The following TARDBP variants were observed in gnomAD, a reference collection of about 807,000 sequenced individuals.
TARDBP encodes TAR DNA-binding protein 43.
A neutral mutation model predicts 38.3 loss-of-function variants in TARDBP; 4 were observed. That is an observed-to-expected ratio of 0.10 (90% CI 0.05 to 0.24). The LOEUF is 0.24. Among genes scored for constraint, TARDBP ranks in the 10% least tolerant of loss-of-function variants. TARDBP has a pLI of 1.00. For missense variants in TARDBP, 202 were observed against 521.9 expected (o/e 0.39, Z 5.97); for synonymous variants, 184 against 183.8 (o/e 1.00, Z -0.01).
At chr1:11,013,666 A>G in intron 1 of TARDBP, 50 bp from the exon 2 acceptor site, 1 of 1,431,164 alleles carries the variant, frequency 7.0e-7, no homozygotes, top group Non-Finnish European at 9.7e-7. Flanking sequence ...TTATAAGGAA[A>G]CAGTTATTCT....
Position 11,021,814 on chromosome 1 carries a change from G to T in TARDBP, c.715-310G>T, listed in dbSNP as rs535280422. On this transcript the variant is annotated intron_variant, in intron 5 of 5. Coordinates refer to ENST00000240185, the MANE Select transcript of TARDBP (RefSeq NM_007375.4). ...GATAGAGGTGGGGTCTCCCTGTGTT[G>T]TCTAGGCTGCCAGGCTAGTCTTGAA... Among the ~76,000 whole-genome samples the T allele has an allele frequency of 1.1e-4, 17 of 151,980 alleles. No homozygotes were observed. The East Asian group carries it at 3.1e-3, about 28-fold the overall frequency.
Position 11,023,675 on chromosome 1 carries a change from T to C in TARDBP, c.*1021T>C. On this transcript the variant is annotated 3_prime_UTR_variant, in exon 6 of 6. Transcript: ENST00000240185. ...CTGTTGGAAGACTTTTAAGTGAGTTTTTGTTCTTAGATAACCCACATTAGA... is the reference window on the plus strand; with the variant it reads ...CTGTTGGAAGACTTTTAAGTGAGTTCTTGTTCTTAGATAACCCACATTAGA... The C allele has an allele frequency of 5.1e-6, 1 of 195,400 alleles. No homozygotes were observed. The highest frequency in any genetic ancestry group is 1.1e-5 in the Non-Finnish European group (1 of 95,006). The allele number at this position is 195,400 out of a possible 1,614,324, so 12.1% of individuals were successfully genotyped here. A position where few individuals can be genotyped will look rare whatever the true frequency, so the allele number is the denominator to read the frequency against.
downstream of TARDBP, chr1:11,025,718 T>A (rs1171554394): frequency 6.6e-6 from 1 of 152,370 alleles, no homozygotes; most frequent in East Asian, 1.9e-4. Context: ...AACTTGAATG[T>A]TAGCTATTAA....
At chr1:11,027,472 C>T (rs757050153), downstream of TARDBP, 6 of 1,613,952 alleles carry the variant, frequency 3.7e-6, no homozygotes, top group African/African-American at 1.3e-5. Flanking sequence ...AGGGCGGATG[C>T]ATCATGTTTT....
intron 5 of TARDBP, among the ~76,000 whole-genome samples, chr1:11,021,619 C>T (rs1643640735): frequency 6.6e-6 from 1 of 152,142 alleles, no homozygotes; most frequent in Non-Finnish European, 1.5e-5. Context: ...CAGGGTCTCA[C>T]TCTGTTGCCC....
chr1:11,013,418 C>T (rs761216105), intron 1 of TARDBP, among the ~76,000 whole-genome samples: 1 of 147,218 alleles, frequency 6.8e-6, no homozygotes, highest in African/African-American at 2.4e-5. Flanking sequence ...CCCTTGCATA[C>T]CCTAGCTTGT....
At chr1:11,017,133 C>G in intron 3 of TARDBP, 126 bp downstream of exon 3, 1 of 1,030,318 alleles carries the variant, frequency 9.7e-7, no homozygotes, top group Non-Finnish European at 1.5e-6. Flanking sequence ...ACTCCTGGGC[C>G]CATACTGTCC....
At chr1:11,026,052 A>AT (rs1643727599), downstream of TARDBP, 2 of 154,824 alleles carry the variant, frequency 1.3e-5, no homozygotes, top group South Asian at 4.1e-4. Flanking sequence ...GCCACTTTTC[A>AT]TCTTGTGGAA....
chr1:11,030,029 G>A (rs1000357083), downstream of TARDBP: 2 of 601,540 alleles, frequency 3.3e-6, no homozygotes, highest in East Asian at 2.9e-5. Flanking sequence ...GGGGTAATGA[G>A]AACATACTAT....
chr1:11,024,216 G>C lies in TARDBP; in HGVS notation c.*1562G>C, dbSNP rs1030681555. ...GTCAAATGGATTCATCACCTGTCAT[G>C]CATTGACACCTGATACCCAGACTTA... is the stretch of plus-strand genomic sequence containing the variant. On this transcript the variant is annotated 3_prime_UTR_variant, in exon 6 of 6. Coordinates refer to ENST00000240185, the MANE Select transcript of TARDBP (RefSeq NM_007375.4). 2.6e-5 allele frequency: 4 copies of C among 152,542 alleles called. No individual in the cohort carries two copies. Among genetic ancestry groups the C allele is most frequent in the Non-Finnish European group, 4.4e-5 (3 of 68,046 alleles). The allele number at this position is 152,542 out of a possible 1,614,324, so 9.4% of individuals were successfully genotyped here.
At chr1:11,013,252 C>T (rs1250187188) in intron 1 of TARDBP, among the ~76,000 whole-genome samples, 1 of 152,244 alleles carries the variant, frequency 6.6e-6, no homozygotes, top group Non-Finnish European at 1.5e-5. Context: ...GTTCACTGCC[C>T]ATATTCAGTC....
chr1:11,014,814 G>A (rs1294565776), intron 2 of TARDBP, among the ~76,000 whole-genome samples: 1 of 152,168 alleles, frequency 6.6e-6, no homozygotes, highest in African/African-American at 2.4e-5. Context: ...GTGGGTGCCT[G>A]TAATACTAGC....
downstream of TARDBP, chr1:11,027,511 G>A (rs1230711399): frequency 3.1e-6 from 5 of 1,614,052 alleles, no homozygotes; most frequent in East Asian, 2.2e-5. Context: ...GCAGCTGTTA[G>A]GACCCAGTTG....
intron 4 of TARDBP, chr1:11,019,191 CATACATTA>C (rs1222477373): frequency 2.7e-6 from 1 of 369,700 alleles, no homozygotes; most frequent in African/African-American, 2.1e-5. Flanking sequence ...AATCAGAATA[CATACATTA>C]ATTGTTATAA....
rs756934624 is a variant in TARDBP, at chr1:11,013,701, C to T, written c.-12-15C>T. On this transcript the variant is annotated splice_polypyrimidine_tract_variant and intron_variant, in intron 1 of 5. Transcript: ENST00000240185. ...TGACATGAATGTTGTTCATTCATAT[C>T]TCTTTTCTCTTTAGGAAAAGTAAAA... 3.1e-5 allele frequency: 49 copies of T among 1,563,822 alleles called. No individual in the cohort carries two copies. The South Asian group carries it at 3.9e-4, about 12-fold the overall frequency.
At chr1:11,017,231 T>A (rs1643543862) in intron 3 of TARDBP, among the ~76,000 whole-genome samples, 1 of 146,654 alleles carries the variant, frequency 6.8e-6, no homozygotes. Flanking sequence ...GGAGACCAAG[T>A]CTCACTTTGC....
At chr1:11,030,420 TTTGC>T, downstream of TARDBP, 1 of 599,360 alleles carries the variant, frequency 1.7e-6, no homozygotes, top group Non-Finnish European at 2.9e-6. Context: ...CATTACCATG[TTTGC>T]TTGCAAAGTG....
At chr1:11,015,690 C>T (rs909995927) in intron 2 of TARDBP, 4 of 151,640 alleles carry the variant, frequency 2.6e-5, no homozygotes, top group African/African-American at 9.7e-5. Flanking sequence ...AATTATCTCC[C>T]CTTCTCTTCT....
At chr1:11,018,343 T>TTTGCTGC (rs1274173554) in intron 3 of TARDBP, 5 of 276,664 alleles carry the variant, frequency 1.8e-5, no homozygotes, top group Admixed American at 1.1e-4. Flanking sequence ...TGCATGCCAC[T>TTTGCTGC]ACACCTGGCT....
Sources: gnomAD v4.1 joint callset for allele counts (sites outside exome capture counted in the v4.1 genomes callset) on GRCh38, gnomAD v4.1.1 for gene constraint, MANE v1.5 for transcripts, NCBI Gene and HGNC (gene_info 2026-07-23, HGNC 2026-07-21) for gene names.